The following CUBN variants were observed in gnomAD, a reference collection of about 807,000 sequenced individuals.
CUBN encodes 460 kDa receptor.
CUBN carries 282 observed loss-of-function variants against 405.3 expected under a neutral mutation model. That is an observed-to-expected ratio of 0.70 (90% CI 0.63 to 0.77). The LOEUF is 0.77. CUBN is among the 30% of genes least tolerant of loss of function. The pLI, the probability that CUBN is intolerant of heterozygous loss-of-function variation, is 0.00. For missense variants in CUBN, 4,514 were observed against 4,475.2 expected, an observed-to-expected ratio of 1.01 and a Z score of -0.25; for synonymous variants, 1,684 against 1,617.0, an observed-to-expected ratio of 1.04 and a Z score of -0.99.
intron 17 of CUBN, among the ~76,000 whole-genome samples, chr10:17,083,762 A>G (rs35053832): frequency 0.36 from 54,016 of 152,038 alleles, 11,513 homozygotes; most frequent in East Asian, 0.56. Flanking sequence ...ACAATGTTTT[A>G]TCTTGCTCAA....
In CUBN at chr10:17,077,715, C is replaced by G. The variant is rs376664247; in HGVS notation, c.2302-5744G>C. On this transcript the variant is annotated intron_variant, in intron 17 of 66. Transcript: ENST00000377833. ...GTAAAGACTGGACCTTAGGGAGGAG[C>G]CTTGGGCTAATCTGGGTGAGCAGGA... 4.7e-4 allele frequency among the ~76,000 whole-genome samples: 71 copies of G among 152,142 alleles called. No individual in the cohort carries two copies. The East Asian group carries it at 0.012, about 25-fold the overall frequency.
chr10:17,054,303 C>G lies in CUBN; in HGVS notation c.3140-6700G>C, dbSNP rs190334247. Among the ~76,000 whole-genome samples, 120 of 147,212 alleles carry G rather than the reference C, an allele frequency of 8.2e-4. 1 individual carries two copies. The East Asian group carries it at 0.013, about 15-fold the overall frequency. On this transcript the variant is annotated intron_variant, in intron 22 of 66. Coordinates refer to ENST00000377833, the MANE Select transcript of CUBN (RefSeq NM_001081.4). ...CTGAGATCGCACCACTGCACTCCAG[C>G]CTGGGCAACGAGAGTGAAACTCCGT...
chr10:16,996,975 T>A (rs1210228196), intron 28 of CUBN, among the ~76,000 whole-genome samples: 1 of 152,264 alleles, frequency 6.6e-6, no homozygotes, highest in East Asian at 1.9e-4. Context: ...TGAAAGAGAA[T>A]TAAATTTTAA....
intron 29 of CUBN, among the ~76,000 whole-genome samples, chr10:16,985,313 G>T (rs563304324): frequency 2.6e-5 from 4 of 152,206 alleles, no homozygotes; most frequent in African/African-American, 9.7e-5. Context: ...GCATCTGAAC[G>T]TTGAGAGGAG....
chr10:16,955,247 C>T (rs10904848), intron 31 of CUBN, among the ~76,000 whole-genome samples: 37,912 of 151,382 alleles, frequency 0.25, 5,449 homozygotes, highest in Non-Finnish European at 0.33. Context: ...GTGGTGTGCA[C>T]CTGTAGTCAA....
At chr10:16,918,526 A>G (rs538830477) in intron 45 of CUBN, 96 bp downstream of exon 45, 4 of 925,220 alleles carry the variant, frequency 4.3e-6, no homozygotes, top group Non-Finnish European at 6.8e-6. Flanking sequence ...TGATGAAATA[A>G]TCTCTACAAC....
intron 28 of CUBN, 21 bp from the exon 29 acceptor site, chr10:16,990,536 A>G: frequency 6.2e-7 from 1 of 1,613,386 alleles, no homozygotes; most frequent in African/African-American, 1.3e-5. Context: ...AGAAAGGTTC[A>G]GTCAGTTCAA....
chr10:17,008,215 C>T (rs1834077192), intron 28 of CUBN, among the ~76,000 whole-genome samples: 1 of 150,704 alleles, frequency 6.6e-6, no homozygotes, highest in African/African-American at 2.4e-5. Flanking sequence ...AGCCCCATGG[C>T]TGTAGAGTCC....
Position 16,950,052 on chromosome 10 carries a change from G to A in CUBN, c.5029C>T (p.Arg1677Cys), listed in dbSNP as rs781243315. The change falls in exon 34 of 67, where the codon CGT becomes TGT. Residue 1677 changes from arginine (R) to cysteine (C), a missense_variant. By Grantham distance (180) the Arg-to-Cys change is radical (BLOSUM62 -3). Transcript: ENST00000377833. Reference protein sequence around the residue: ...FELERSTTCARDFVEILDGGH... With the variant: ...FELERSTTCACDFVEILDGGH... ...CCATCCAAAATTTCTACAAAGTCAC[G>A]TGCACACGTTGTGCTTCTTTCAAGT... 7.4e-6 allele frequency: 12 copies of A among 1,613,930 alleles called. 1 individual carries two copies. Among genetic ancestry groups the A allele is most frequent in the South Asian group, 3.3e-5 (3 of 91,058 alleles).
chr10:17,127,818 G>A lies in CUBN; in HGVS notation c.348+11C>T, dbSNP rs745477268. 5 of 1,598,144 alleles carry A rather than the reference G, an allele frequency of 3.1e-6. No individual in the cohort carries two copies. Among genetic ancestry groups the A allele is most frequent in the Non-Finnish European group, 8.6e-7 (1 of 1,165,720 alleles). ...ACTCATCGGTTCTTATGACGTAGAT[G>A]TCAGACTTACCTTGGAATTAAGCTG... On this transcript the variant is annotated intron_variant, in intron 3 of 66. Coordinates refer to ENST00000377833, the MANE Select transcript of CUBN (RefSeq NM_001081.4).
Position 16,933,160 on chromosome 10 carries a change from C to G in CUBN, c.6051G>C (p.Val2017=). ...TGTCCAGGGAAAGAATGTTGAGTTCCACGGTAGAGTCGGGAGCCTGGATGA... is the reference window on the plus strand; with the variant it reads ...TGTCCAGGGAAAGAATGTTGAGTTCGACGGTAGAGTCGGGAGCCTGGATGA... The part of the protein sequence containing the change: ...TWLIQAPDST[V]ELNILSLDIE... Residue 2017 remains valine, a synonymous_variant, in exon 40 of 67, where the codon GTG becomes GTC. Coordinates refer to ENST00000377833, the MANE Select transcript of CUBN (RefSeq NM_001081.4). 6.2e-7 allele frequency: 1 copy of G among 1,613,986 alleles called. No individual in the cohort carries two copies. The highest frequency in any genetic ancestry group is 8.5e-7 in the Non-Finnish European group (1 of 1,179,998).
chr10:16,932,191 C>A (rs981522158), intron 40 of CUBN, among the ~76,000 whole-genome samples: 1 of 152,148 alleles, frequency 6.6e-6, no homozygotes, highest in Non-Finnish European at 1.5e-5. Context: ...AGCACCTTCA[C>A]CATTCGATTT....
intron 31 of CUBN, among the ~76,000 whole-genome samples, chr10:16,961,804 C>T (rs1257797148): frequency 6.9e-5 from 10 of 144,460 alleles, no homozygotes; most frequent in South Asian, 2.2e-4. Context: ...CTCCGCCTCC[C>T]GGGTTCACGC....
chr10:16,921,537 T>C (rs1842034018), intron 43 of CUBN, among the ~76,000 whole-genome samples: 1 of 152,234 alleles, frequency 6.6e-6, no homozygotes, highest in Non-Finnish European at 1.5e-5. Flanking sequence ...CAAAGAACTT[T>C]TTAAATTCTT....
chr10:17,001,892 G>A (rs374480378), intron 28 of CUBN, among the ~76,000 whole-genome samples: 2 of 152,142 alleles, frequency 1.3e-5, no homozygotes, highest in Admixed American at 1.3e-4. Context: ...AAAAAAATCA[G>A]GGACAGAGTA....
chr10:16,872,761 G>A (rs1049260661), intron 58 of CUBN, among the ~76,000 whole-genome samples: 2 of 152,232 alleles, frequency 1.3e-5, no homozygotes, highest in Admixed American at 1.3e-4. Flanking sequence ...CAAATAGTGA[G>A]TCACAGTAGC....
At chr10:16,934,234 G>C (rs953429716) in intron 39 of CUBN, among the ~76,000 whole-genome samples, 4 of 152,122 alleles carry the variant, frequency 2.6e-5, no homozygotes, top group African/African-American at 9.7e-5. Context: ...GCCGCAGATT[G>C]CTATAAGGCT....
intron 66 of CUBN, among the ~76,000 whole-genome samples, chr10:16,826,172 C>T (rs184002030): frequency 1.0e-3 from 156 of 151,992 alleles, no homozygotes; most frequent in African/African-American, 3.4e-3. Flanking sequence ...TGGTATTTAC[C>T]GTAATATAAA....
At chr10:16,883,283 G>A (rs1264744677) in intron 56 of CUBN, among the ~76,000 whole-genome samples, 2 of 152,124 alleles carry the variant, frequency 1.3e-5, no homozygotes, top group East Asian at 1.9e-4. Flanking sequence ...CATTGCGCAC[G>A]AAGGCCAAAC....
Sources: gnomAD v4.1 joint callset for allele counts (sites outside exome capture counted in the v4.1 genomes callset) on GRCh38, gnomAD v4.1.1 for gene constraint, MANE v1.5 for transcripts, NCBI Gene and HGNC (gene_info 2026-07-23, HGNC 2026-07-21) for gene names.